GNB1: variants seen among roughly 807,000 people sequenced by gnomAD.
The protein encoded by GNB1 is guanine nucleotide-binding protein G(I)/G(S)/G(T) subunit beta-1.
Under a neutral mutation model 42.9 loss-of-function variants are expected in GNB1, and 2 were observed. The ratio of observed to expected loss-of-function variants is 0.05; its 90% CI spans 0.02 to 0.15. The LOEUF (loss-of-function observed/expected upper bound fraction) is 0.15, where lower values mean the gene tolerates loss of function less well. GNB1 is among the 10% of genes least tolerant of loss of function. The pLI, the probability that GNB1 is intolerant of heterozygous loss-of-function variation, is 1.00. For missense variants in GNB1, 193 were observed against 462.2 expected (o/e 0.42, Z 5.34); for synonymous variants, 183 against 174.7 (o/e 1.05, Z -0.38).
At chr1:1,842,274 C>CA (rs894242153) in intron 1 of GNB1, among the ~76,000 whole-genome samples, 3 of 152,024 alleles carry the variant, frequency 2.0e-5, no homozygotes, top group African/African-American at 4.8e-5. Context: ...ACTAAAAATA[C>CA]AAAAAATTAG....
At chr1:1,842,175 A>C (rs929967606) in intron 1 of GNB1, among the ~76,000 whole-genome samples, 2 of 152,212 alleles carry the variant, frequency 1.3e-5, no homozygotes, top group Non-Finnish European at 2.9e-5. Flanking sequence ...TCACGCCTGT[A>C]ATCCCAGCAC....
chr1:1,852,622 G>C (rs1443826589), intron 1 of GNB1, among the ~76,000 whole-genome samples: 1 of 151,692 alleles, frequency 6.6e-6, no homozygotes, highest in African/African-American at 2.4e-5. Context: ...TTGAGCCCAG[G>C]AGTTGAAGGC....
At chr1:1,886,914 C>T (rs1014371420) in intron 1 of GNB1, among the ~76,000 whole-genome samples, 1 of 152,100 alleles carries the variant, frequency 6.6e-6, no homozygotes, top group Non-Finnish European at 1.5e-5. Context: ...GGGGTTTCAC[C>T]GTGTTAGCCA....
chr1:1,874,856 C>T lies in GNB1; in HGVS notation c.-96+15964G>A, dbSNP rs114117300. Among the ~76,000 whole-genome samples the T allele has an allele frequency of 8.4e-3, 1,283 of 152,038 alleles. 22 individuals carry two copies. Among genetic ancestry groups the T allele is most frequent in the African/African-American group, 0.03 (1,231 of 41,514 alleles). On this transcript the variant is annotated intron_variant, in intron 1 of 11. Coordinates refer to ENST00000378609, the MANE Select transcript of GNB1 (RefSeq NM_002074.5). ...TTCTGTGAAGCATCCAGAATCCTTA[C>T]AGCAGCGGTCACCAACCTTTTTGAT...
In GNB1 at chr1:1,787,203, C is replaced by A. The variant is rs79370402; in HGVS notation, c.*9+119G>T. The A allele has an allele frequency of 0.059, 39,287 of 670,758 alleles. 1,577 individuals carry two copies. The highest frequency in any genetic ancestry group is 0.081 in the Non-Finnish European group (30,689 of 378,104). The allele number at this position is 670,758 out of a possible 1,614,324, so 41.6% of individuals were successfully genotyped here. A position where few individuals can be genotyped will look rare whatever the true frequency, so the allele number is the denominator to read the frequency against. The stretch of plus-strand genomic sequence containing the variant: ...CTTTCTGTAAACGTTTCCCACAACA[C>A]AATTCCAAATCAATGCTACATCAAC... On this transcript the variant is annotated intron_variant, in intron 11 of 11. Coordinates refer to ENST00000378609, the MANE Select transcript of GNB1 (RefSeq NM_002074.5). The surrounding 1 kb of genome is among the most constrained non-coding windows in gnomAD (Gnocchi z 4.4).
At chr1:1,843,030 C>T (rs1647400566) in intron 1 of GNB1, among the ~76,000 whole-genome samples, 1 of 152,206 alleles carries the variant, frequency 6.6e-6, no homozygotes, top group African/African-American at 2.4e-5. Context: ...GCCAGTAGTG[C>T]TCCTTTCCCC....
chr1:1,807,073 G>C (rs1422420903), intron 5 of GNB1, among the ~76,000 whole-genome samples: 1 of 152,160 alleles, frequency 6.6e-6, no homozygotes, highest in Non-Finnish European at 1.5e-5. Context: ...GAGTGGAGAT[G>C]CCTGGCCCCA....
intron 1 of GNB1, among the ~76,000 whole-genome samples, chr1:1,874,587 G>C (rs187346218): frequency 8.8e-5 from 10 of 113,726 alleles, no homozygotes; most frequent in African/African-American, 3.0e-4. Flanking sequence ...AGCCTGGGAA[G>C]CAGAGCAAGA....
intron 4 of GNB1, among the ~76,000 whole-genome samples, chr1:1,816,365 A>G (rs1263434257): frequency 6.6e-6 from 1 of 152,212 alleles, no homozygotes; most frequent in Admixed American, 6.5e-5. Flanking sequence ...CATCCTACAT[A>G]TAGACACTGA....
At chr1:1,808,892 C>T (rs1646738658) in intron 5 of GNB1, among the ~76,000 whole-genome samples, 1 of 152,170 alleles carries the variant, frequency 6.6e-6, no homozygotes, top group African/African-American at 2.4e-5. Context: ...GATCCGCCCA[C>T]CTTGGCCTCC....
intron 1 of GNB1, among the ~76,000 whole-genome samples, chr1:1,865,386 A>G (rs1648878716): frequency 6.6e-6 from 1 of 150,926 alleles, no homozygotes; most frequent in African/African-American, 2.4e-5. Flanking sequence ...GGAGATCGAG[A>G]CCATCCTGGC....
intron 1 of GNB1, among the ~76,000 whole-genome samples, chr1:1,862,035 C>T (rs1648659663): frequency 6.6e-6 from 1 of 152,074 alleles, no homozygotes; most frequent in Admixed American, 6.5e-5. Context: ...CCACTGCACG[C>T]CAGCCTGGGC....
At chr1:1,794,759 C>T (rs1007419334) in intron 7 of GNB1, among the ~76,000 whole-genome samples, 5 of 152,118 alleles carry the variant, frequency 3.3e-5, no homozygotes, top group African/African-American at 1.2e-4. Context: ...GATGTGATCT[C>T]GGCTCACCGC....
rs533269267 is a variant in GNB1 at position 1,866,750 on chromosome 1, C to T, written c.-96+24070G>A. ...TGGGCAGATCACGAGGTCAGGAGAT[C>T]GAGACCATCTTGGCTAACACGGTGA... On this transcript the variant is annotated intron_variant, in intron 1 of 11. Transcript: ENST00000378609. Among the ~76,000 whole-genome samples the T allele has an allele frequency of 6.0e-5, 9 of 150,456 alleles. No individual in the cohort carries two copies. The South Asian group carries it at 1.7e-3, about 28-fold the overall frequency.
At chr1:1,802,900 G>A (rs1646645102) in intron 7 of GNB1, among the ~76,000 whole-genome samples, 2 of 152,216 alleles carry the variant, frequency 1.3e-5, no homozygotes, top group South Asian at 4.1e-4. Flanking sequence ...ACTTCAGGTA[G>A]CTGGAAAATT....
In GNB1 at chr1:1,868,460, G is replaced by A. The variant is rs145546101; in HGVS notation, c.-96+22360C>T. ...GCTGGGATTACAAGCATGAGACACC[G>A]TGCCTGGCCATGTTTTCCCGTTTTT... On this transcript the variant is annotated intron_variant, in intron 1 of 11. Coordinates refer to ENST00000378609, the MANE Select transcript of GNB1 (RefSeq NM_002074.5). 7.9e-5 allele frequency among the ~76,000 whole-genome samples: 12 copies of A among 152,216 alleles called. No individual in the cohort carries two copies. The East Asian group carries it at 1.7e-3, about 22-fold the overall frequency.
intron 2 of GNB1, among the ~76,000 whole-genome samples, chr1:1,832,753 G>A (rs1647094093): frequency 6.6e-6 from 1 of 152,090 alleles, no homozygotes; most frequent in South Asian, 2.1e-4. Flanking sequence ...ACAACATTCA[G>A]GCTGCAAGTT....
intron 1 of GNB1, among the ~76,000 whole-genome samples, chr1:1,868,969 G>A (rs1190703312): frequency 6.6e-6 from 1 of 151,436 alleles, no homozygotes; most frequent in African/African-American, 2.4e-5. Context: ...CGGACCACGA[G>A]GTCAGGAGAT....
At chr1:1,821,340 T>C (rs1308522045) in intron 3 of GNB1, among the ~76,000 whole-genome samples, 1 of 152,186 alleles carries the variant, frequency 6.6e-6, no homozygotes, top group Non-Finnish European at 1.5e-5. Context: ...GCACACCATG[T>C]TTTAATCAGA....
Sources: allele counts gnomAD v4.1 joint callset (sites outside exome capture counted in the v4.1 genomes callset), GRCh38; gene constraint gnomAD v4.1.1; non-coding constraint Gnocchi (gnomAD v3.1); transcripts MANE v1.5; gene names NCBI Gene and HGNC (gene_info 2026-07-23, HGNC 2026-07-21).